Variants in TSPAN18 observed in about 807,000 individuals in gnomAD.
TSPAN18 encodes the protein tetraspanin 18.
A neutral mutation model predicts 27.3 loss-of-function variants in TSPAN18; 14 were observed. The observed-to-expected ratio is 0.51, with a 90% CI of 0.34 to 0.80. The LOEUF (loss-of-function observed/expected upper bound fraction) is 0.80, where lower values mean the gene tolerates loss of function less well. Among genes scored for constraint, TSPAN18 ranks in the 30% least tolerant of loss-of-function variants. The pLI, the probability that TSPAN18 is intolerant of heterozygous loss-of-function variation, is 0.01. For missense variants in TSPAN18, 268 were observed against 323.9 expected (o/e 0.83, Z 1.32); for synonymous variants, 143 against 136.5 (o/e 1.05, Z -0.33).
rs1477975895 is a variant in TSPAN18, at chr11:44,932,297, TA to T, written c.*3120del. 1 of 152,248 alleles carries T rather than the reference TA, an allele frequency of 6.6e-6. No homozygotes were observed. Among genetic ancestry groups the T allele is most frequent in the African/African-American group, 2.4e-5 (1 of 41,460 alleles). The allele number at this position is 152,248 out of a possible 1,614,324, so 9.4% of individuals were successfully genotyped here. On this transcript the variant is annotated 3_prime_UTR_variant, in exon 10 of 10. Coordinates refer to ENST00000520358, the MANE Select transcript of TSPAN18 (RefSeq NM_130783.5). ...TTTCTCTCCTGTGAGACCCCCCTTT[TA>T]TATGATATATCCAGAGGAAGTTTTG...
chr11:44,836,950 G>A (rs1051316505), intron 2 of TSPAN18, among the ~76,000 whole-genome samples: 6 of 152,192 alleles, frequency 3.9e-5, no homozygotes, highest in African/African-American at 9.7e-5. Flanking sequence ...GACAGTGCAC[G>A]TGGTCATCCA....
intron 9 of TSPAN18, among the ~76,000 whole-genome samples, chr11:44,927,578 A>C (rs1330974404): frequency 6.6e-6 from 1 of 152,232 alleles, no homozygotes; most frequent in Non-Finnish European, 1.5e-5. Flanking sequence ...AGGCTACTGC[A>C]GATGGCGGAG....
intron 2 of TSPAN18, among the ~76,000 whole-genome samples, chr11:44,784,671 G>A (rs1856013908): frequency 6.6e-6 from 1 of 152,152 alleles, no homozygotes; most frequent in Non-Finnish European, 1.5e-5. Context: ...TCTCTGCTGC[G>A]TCCCCAGCCC....
intron 2 of TSPAN18, among the ~76,000 whole-genome samples, chr11:44,777,335 A>G (rs1397982397): frequency 6.6e-6 from 1 of 152,112 alleles, no homozygotes; most frequent in East Asian, 1.9e-4. Context: ...CACCCTGCCA[A>G]GGTGAGGCCA....
chr11:44,789,371 T>C (rs1856136842), intron 2 of TSPAN18, among the ~76,000 whole-genome samples: 1 of 152,250 alleles, frequency 6.6e-6, no homozygotes, highest in African/African-American at 2.4e-5. Context: ...AATGGCTCTA[T>C]TGGCTTTTCC....
At chr11:44,791,876 A>T (rs1431788391) in intron 2 of TSPAN18, among the ~76,000 whole-genome samples, 3 of 152,172 alleles carry the variant, frequency 2.0e-5, no homozygotes, top group Non-Finnish European at 2.9e-5. Context: ...CACAGCACTC[A>T]CAGCAGATGA....
At chr11:44,758,903 G>A (rs555589594) in intron 1 of TSPAN18, among the ~76,000 whole-genome samples, 190 of 152,284 alleles carry the variant, frequency 1.2e-3, no homozygotes, top group African/African-American at 4.3e-3. Context: ...ATCTCCTACC[G>A]TGTTTCCTAC....
intron 1 of TSPAN18, among the ~76,000 whole-genome samples, chr11:44,739,377 C>A (rs904265358): frequency 6.6e-6 from 1 of 152,164 alleles, no homozygotes; most frequent in Admixed American, 6.5e-5. Context: ...AATCCCAGCA[C>A]TTTGGGAGGC....
At chr11:44,818,445 G>A (rs887657921) in intron 2 of TSPAN18, among the ~76,000 whole-genome samples, 1 of 152,230 alleles carries the variant, frequency 6.6e-6, no homozygotes, top group Non-Finnish European at 1.5e-5. Context: ...AGCATCAGCA[G>A]GGGCCCGATC....
intron 1 of TSPAN18, among the ~76,000 whole-genome samples, chr11:44,739,808 C>A (rs1293243932): frequency 1.3e-5 from 2 of 152,132 alleles, no homozygotes; most frequent in Non-Finnish European, 2.9e-5. Flanking sequence ...TTTTTCCAGC[C>A]TGCCTTCAGG....
intron 2 of TSPAN18, among the ~76,000 whole-genome samples, chr11:44,795,123 T>A (rs531451253): frequency 8.1e-6 from 1 of 123,370 alleles, no homozygotes; most frequent in African/African-American, 3.1e-5. Flanking sequence ...TAGAGTCAGA[T>A]CTAAGTTCCT....
intron 3 of TSPAN18, among the ~76,000 whole-genome samples, chr11:44,879,996 C>A (rs1858444836): frequency 6.6e-6 from 1 of 152,248 alleles, no homozygotes; most frequent in Non-Finnish European, 1.5e-5. Flanking sequence ...TCAGCCCAGA[C>A]AGCTGAGCCT....
chr11:44,879,574 A>G (rs955942391), intron 3 of TSPAN18, among the ~76,000 whole-genome samples: 21 of 152,242 alleles, frequency 1.4e-4, no homozygotes, highest in African/African-American at 5.1e-4. Flanking sequence ...TAGGATCGGC[A>G]GGTGCCAAGG....
At chr11:44,908,778 A>AGAAAGGAAAG (rs1564992637) in intron 4 of TSPAN18, among the ~76,000 whole-genome samples, 1 of 112,398 alleles carries the variant, frequency 8.9e-6, no homozygotes, top group East Asian at 2.6e-4. Flanking sequence ...GGAGAAAGAA[A>AGAAAGGAAAG]GAAAGAAAGA....
intron 4 of TSPAN18, among the ~76,000 whole-genome samples, chr11:44,908,003 C>T (rs567807763): frequency 9.6e-5 from 14 of 145,894 alleles, no homozygotes; most frequent in African/African-American, 1.5e-4. Flanking sequence ...TGTGGTGAGC[C>T]GAGATCGTGC....
intron 1 of TSPAN18, among the ~76,000 whole-genome samples, chr11:44,749,011 G>A (rs140365978): frequency 5.1e-4 from 78 of 152,326 alleles, no homozygotes; most frequent in African/African-American, 1.7e-3. Flanking sequence ...CTGGTGCATG[G>A]TGAGGCTAGG....
chr11:44,737,773 G>A (rs565562411), intron 1 of TSPAN18, among the ~76,000 whole-genome samples: 3 of 152,116 alleles, frequency 2.0e-5, no homozygotes, highest in South Asian at 2.1e-4. Flanking sequence ...CCCATCTGCC[G>A]CTTGTTTTCT....
intron 2 of TSPAN18, among the ~76,000 whole-genome samples, chr11:44,817,608 A>G (rs1856841913): frequency 6.6e-6 from 1 of 152,242 alleles, no homozygotes; most frequent in South Asian, 2.1e-4. Context: ...GGGCACAGTC[A>G]TGCCTCTGCT....
At chr11:44,770,935 C>T (rs531831193) in intron 2 of TSPAN18, among the ~76,000 whole-genome samples, 1 of 152,162 alleles carries the variant, frequency 6.6e-6, no homozygotes, top group Non-Finnish European at 1.5e-5. Context: ...GGAGGGAGGG[C>T]ATATTGAGTT....
Sources: gnomAD v4.1 joint callset for allele counts (sites outside exome capture counted in the v4.1 genomes callset) on GRCh38, gnomAD v4.1.1 for gene constraint, MANE v1.5 for transcripts, NCBI Gene and HGNC (gene_info 2026-07-23, HGNC 2026-07-21) for gene names.